The following ELP1 variants were observed in gnomAD, a reference collection of about 807,000 sequenced individuals.
The protein encoded by ELP1 is elongator acetyltransferase complex subunit 1, also known as elongator complex protein 1.
ELP1 carries 131 observed loss-of-function variants against 183.2 expected under a neutral mutation model. The observed-to-expected ratio is 0.72, with a 90% CI of 0.62 to 0.83. The LOEUF (loss-of-function observed/expected upper bound fraction) is 0.83. ELP1 is among the 40% of genes least tolerant of loss of function. The probability of loss-of-function intolerance (pLI) is 0.00; values close to 1 mark genes in which losing one functional copy is unlikely to be tolerated. For missense variants in ELP1, 1,550 were observed against 1,594.9 expected, an observed-to-expected ratio of 0.97 and a Z score of 0.48; for synonymous variants, 555 against 569.0, an observed-to-expected ratio of 0.98 and a Z score of 0.35.
At chr9:108,880,871 A>T (rs534475888) in intron 31 of ELP1, among the ~76,000 whole-genome samples, 37 of 152,328 alleles carry the variant, frequency 2.4e-4, no homozygotes, top group African/African-American at 8.7e-4. Context: ...TTTAATTAGG[A>T]TGGAGGAAGG....
At chr9:108,926,410 G>A (rs1829825450) in intron 5 of ELP1, 113 bp downstream of exon 5, 2 of 818,722 alleles carry the variant, frequency 2.4e-6, no homozygotes, top group South Asian at 2.9e-5. Flanking sequence ...TAATAGCTGG[G>A]GGTTTAACTT....
At position 108,902,889 on chromosome 9, in the gene ELP1, G is replaced by C; in HGVS notation, c.1804C>G (p.Arg602Gly). The stretch of plus-strand genomic sequence containing the variant: ...GTCTGGGTGCATGGATAAGGAAACC[G>C]AACAGGAAATCCACCAGAGTTCTTC... ...PWKNSGGFPV[R>G]FPYPCTQTEL... is the part of the protein sequence containing the mutation. Residue 602 changes from arginine (R) to glycine (G), a missense_variant, in exon 16 of 37, where the codon CGG (arginine) becomes GGG (glycine). Physicochemically the swap from Arg to Gly is moderately radical, Grantham distance 125. Coordinates refer to ENST00000374647, the MANE Select transcript of ELP1 (RefSeq NM_003640.5). 3 of 1,613,948 alleles carry C rather than the reference G, an allele frequency of 1.9e-6. No homozygotes were observed. The highest frequency in any genetic ancestry group is 2.5e-6 in the Non-Finnish European group (3 of 1,179,908).
chr9:108,911,585 A>G (rs1829225579), intron 11 of ELP1, among the ~76,000 whole-genome samples: 2 of 152,242 alleles, frequency 1.3e-5, no homozygotes, highest in South Asian at 4.1e-4. Flanking sequence ...TAAGTTCTCT[A>G]TATAGAATAC....
intron 4 of ELP1, 133 bp from the exon 5 acceptor site, chr9:108,926,736 T>C: frequency 1.4e-6 from 1 of 712,240 alleles, no homozygotes; most frequent in Non-Finnish European, 2.4e-6. Context: ...CAAAATGCTT[T>C]GACTTAAAAA....
At chr9:108,899,336 T>C (rs1015774801) in intron 20 of ELP1, among the ~76,000 whole-genome samples, 2 of 151,882 alleles carry the variant, frequency 1.3e-5, no homozygotes, top group African/African-American at 4.8e-5. Context: ...GGAATTCAGG[T>C]CTACTTTTTA....
Position 108,906,534 on chromosome 9 carries a change from C to T in ELP1, c.1461-49G>A, listed in dbSNP as rs750743759. On this transcript the variant is annotated intron_variant, in intron 13 of 36. Coordinates refer to ENST00000374647, the MANE Select transcript of ELP1 (RefSeq NM_003640.5). ...CCAAGACATGAATAAAACTTAAAAA[C>T]CACTGAGACGTTCCTGGATGAAGGA... 2.7e-6 allele frequency: 4 copies of T among 1,504,280 alleles called. No homozygotes were observed. In the South Asian group the frequency reaches 3.4e-5, roughly 13 times the overall value. The allele number at this position is 1,504,280 out of a possible 1,614,324, so 93.2% of individuals were successfully genotyped here. A position where few individuals can be genotyped will look rare whatever the true frequency, so the allele number is the denominator to read the frequency against.
chr9:108,924,784 T>TC (rs976542986), intron 5 of ELP1, among the ~76,000 whole-genome samples: 4 of 152,124 alleles, frequency 2.6e-5, no homozygotes, highest in African/African-American at 7.2e-5. Context: ...AAAACAGATC[T>TC]CACCACCCAC....
chr9:108,912,379 C>G lies in ELP1; in HGVS notation c.1074G>C (p.Arg358=). ...GCCAGCCCTGACAGAGAACATGCAG[C>G]CGGTATGGGGTCACAGGGTCCCACA... ...SLMWDPVTPY[R]LHVLCQGWHY... Residue 358 remains arginine, a synonymous_variant, in exon 11 of 37, where the codon CGG becomes CGC. Coordinates refer to ENST00000374647, the MANE Select transcript of ELP1 (RefSeq NM_003640.5). 6.2e-7 allele frequency: 1 copy of G among 1,614,136 alleles called. No individual in the cohort carries two copies. Among genetic ancestry groups the G allele is most frequent in the Non-Finnish European group, 8.5e-7 (1 of 1,180,004 alleles).
At chr9:108,904,131 T>C (rs950754492) in intron 14 of ELP1, among the ~76,000 whole-genome samples, 1 of 152,200 alleles carries the variant, frequency 6.6e-6, no homozygotes, top group African/African-American at 2.4e-5. Context: ...AATATCTCTA[T>C]CACTATCATA....
At chr9:108,884,902 A>C (rs1828066385) in intron 29 of ELP1, among the ~76,000 whole-genome samples, 1 of 152,060 alleles carries the variant, frequency 6.6e-6, no homozygotes, top group African/African-American at 2.4e-5. Context: ...GCAACTAGTA[A>C]CACCCCATCT....
Position 108,869,019 on chromosome 9 carries a change from T to C in ELP1, c.*96A>G. 2.0e-6 allele frequency: 2 copies of C among 1,024,174 alleles called. No homozygotes were observed. Among genetic ancestry groups the C allele is most frequent in the South Asian group, 2.5e-5 (2 of 79,242 alleles). 63.4% of individuals were successfully genotyped at this position (1,024,174 alleles called of 1,614,324 possible). ...TAAGTTATCATTTTACTCTTTCCAG[T>C]TCTCAATAGCCAGCCCTCAAAGAGC... On this transcript the variant is annotated 3_prime_UTR_variant, in exon 37 of 37. Transcript: ENST00000374647.
Position 108,868,509 on chromosome 9 carries a change from A to G in ELP1, c.*606T>C. The G allele has an allele frequency of 2.5e-6, 1 of 401,100 alleles. No individual in the cohort carries two copies. Among genetic ancestry groups the G allele is most frequent in the Non-Finnish European group, 4.4e-6 (1 of 226,984 alleles). The allele number at this position is 401,100 out of a possible 1,614,324, so 24.8% of individuals were successfully genotyped here. ...TAACATTGCTAACTCTCTAGCAGAA[A>G]ATACACAGGCAGTAAAACAGTCCCT... is the stretch of plus-strand genomic sequence containing the variant. On this transcript the variant is annotated 3_prime_UTR_variant, in exon 37 of 37. Coordinates refer to ENST00000374647, the MANE Select transcript of ELP1 (RefSeq NM_003640.5).
intron 28 of ELP1, 199 bp from the exon 29 acceptor site, chr9:108,889,592 AG>A: frequency 3.2e-6 from 2 of 622,426 alleles, no homozygotes; most frequent in Non-Finnish European, 5.8e-6. Context: ...AATCATATAC[AG>A]CCAAAATTAG....
chr9:108,929,461 G>A (rs867298362), intron 3 of ELP1, among the ~76,000 whole-genome samples: 2 of 102,948 alleles, frequency 1.9e-5, no homozygotes, highest in Non-Finnish European at 4.4e-5. Context: ...CTCAAGATGA[G>A]GGTCTGATAA....
intron 25 of ELP1, 126 bp downstream of exon 25, chr9:108,896,370 G>T: frequency 1.2e-6 from 1 of 850,366 alleles, no homozygotes; most frequent in Non-Finnish European, 2.0e-6. Flanking sequence ...GAAACTCACA[G>T]ATCTGTCTCC....
At chr9:108,894,184 T>C (rs1828452145) in intron 25 of ELP1, 118 bp from the exon 26 acceptor site, 2 of 586,598 alleles carry the variant, frequency 3.4e-6, no homozygotes, top group Admixed American at 3.1e-5. Context: ...GTGTATTATA[T>C]ATTAACTGCA....
At chr9:108,876,016 T>C (rs191133680) in intron 35 of ELP1, among the ~76,000 whole-genome samples, 1 of 152,316 alleles carries the variant, frequency 6.6e-6, no homozygotes, top group East Asian at 1.9e-4. Context: ...CTGATGCCTA[T>C]AGTCCCAGCA....
At chr9:108,917,285 C>T (rs1021969445) in intron 9 of ELP1, among the ~76,000 whole-genome samples, 2 of 152,006 alleles carry the variant, frequency 1.3e-5, no homozygotes, top group Non-Finnish European at 2.9e-5. Context: ...CTGACCAACA[C>T]GGAGAAACCC....
chr9:108,930,037 T>A (rs1202670828), intron 2 of ELP1, 116 bp from the exon 3 acceptor site: 2 of 1,234,850 alleles, frequency 1.6e-6, no homozygotes, highest in African/African-American at 3.0e-5. Flanking sequence ...TTCAAAAATA[T>A]TTTTTCTAGA....
Sources: allele counts gnomAD v4.1 joint callset (sites outside exome capture counted in the v4.1 genomes callset), GRCh38; gene constraint gnomAD v4.1.1; transcripts MANE v1.5; gene names NCBI Gene and HGNC (gene_info 2026-07-23, HGNC 2026-07-21).